Variants in STAT5A observed in about 807,000 individuals in gnomAD.
STAT5A encodes epididymis secretory sperm binding protein.
Under a neutral mutation model 100.2 loss-of-function variants are expected in STAT5A, and 26 were observed. The ratio of observed to expected loss-of-function variants is 0.26; its 90% CI spans 0.19 to 0.36. STAT5A has a LOEUF of 0.36. Ranked by LOEUF, STAT5A falls within the 10% of genes least tolerant of loss-of-function variation. The pLI is 1.00. For missense variants in STAT5A, 634 were observed against 1,027.5 expected (o/e 0.62, Z 5.24); for synonymous variants, 330 against 424.3 (o/e 0.78, Z 2.73).
At position 42,308,114 on chromosome 17, in the gene STAT5A, A is replaced by C. The variant is rs1176420561; in HGVS notation, c.1907-64A>C. ...GATTTCTCTTGCAAGCCTGCCCTAA[A>C]GCCCCACAACCTTGGTCCTCCTGCT... On this transcript the variant is annotated intron_variant, in intron 15 of 18. Transcript: ENST00000590949. The surrounding 1 kb of genome is among the most constrained non-coding windows in gnomAD (Gnocchi z 4.6). The C allele has an allele frequency of 6.3e-7, 1 of 1,589,452 alleles. No homozygotes were observed. The highest frequency in any genetic ancestry group is 1.7e-5 in the Admixed American group (1 of 58,580).
chr17:42,309,700 T>C, intron 18 of STAT5A: 1 of 484,344 alleles, frequency 2.1e-6, no homozygotes, highest in Non-Finnish European at 3.7e-6. Flanking sequence ...GGAAAATGAT[T>C]GAGCCTCTCT....
rs913697997 is a variant in STAT5A at position 42,294,845 on chromosome 17, C to G, written c.376-774C>G. Among the ~76,000 whole-genome samples, 13 of 152,008 alleles carry G rather than the reference C, an allele frequency of 8.6e-5. No individual in the cohort carries two copies. The East Asian group carries it at 1.9e-3, about 23-fold the overall frequency. ...ATTGGAAAGCCTCTGAGGACTTGTTCCTCTTCATCCATGTGCTCCCTCCCT... is the reference window on the plus strand; with the variant it reads ...ATTGGAAAGCCTCTGAGGACTTGTTGCTCTTCATCCATGTGCTCCCTCCCT... On this transcript the variant is annotated intron_variant, in intron 4 of 18. Coordinates refer to ENST00000590949, the MANE Select transcript of STAT5A (RefSeq NM_001288718.2).
chr17:42,305,438 G>T (rs1053642157), intron 11 of STAT5A, among the ~76,000 whole-genome samples, 172 bp from the exon 12 acceptor site: 1 of 152,092 alleles, frequency 6.6e-6, no homozygotes, highest in African/African-American at 2.4e-5. Flanking sequence ...GGAGGCAGAG[G>T]TTGTGGTGAG....
Position 42,289,535 on chromosome 17 carries a change from C to T in STAT5A, c.124C>T (p.Pro42Ser), listed in dbSNP as rs1206590904. 1 of 1,612,422 alleles carries T rather than the reference C, an allele frequency of 6.2e-7. No individual in the cohort carries two copies. Among genetic ancestry groups the T allele is most frequent in the Non-Finnish European group, 8.5e-7 (1 of 1,179,472 alleles). The change falls in exon 2 of 19, where the codon CCA (proline) becomes TCA (serine). Residue 42 changes from proline to serine, a missense_variant. Transcript: ENST00000590949. ...CTTGGCCCAGTGGATTGAGAGCCAG[C>T]CATGGTAGGCACGTCCCGCCCTGCC... ...HYLAQWIESQ[P>S]WDAIDLDNPQ...
rs1288486488 is a variant in STAT5A at position 42,289,884 on chromosome 17, C to T, written c.147C>T (p.Asp49=). Residue 49 remains aspartate (D), a synonymous_variant, in exon 3 of 19, where the codon GAC becomes GAT. Transcript: ENST00000590949. ...ESQPWDAIDL[D]NPQDRAQATQ... Reference sequence around the variant, plus strand: ...CCCCAAGGGATGCCATTGACTTGGACAATCCCCAGGACAGAGCCCAAGCCA... The same window carrying T: ...CCCCAAGGGATGCCATTGACTTGGATAATCCCCAGGACAGAGCCCAAGCCA... The T allele has an allele frequency of 6.3e-7, 1 of 1,577,908 alleles. No individual in the cohort carries two copies. Among genetic ancestry groups the T allele is most frequent in the South Asian group, 1.2e-5 (1 of 86,110 alleles).
intron 5 of STAT5A, among the ~76,000 whole-genome samples, chr17:42,299,296 C>A (rs1174832173): frequency 6.6e-6 from 1 of 152,226 alleles, no homozygotes; most frequent in Non-Finnish European, 1.5e-5. Context: ...TCTTCAAGCA[C>A]CCCACTGAGG....
At chr17:42,302,280 A>G (rs1055182512) in intron 9 of STAT5A, among the ~76,000 whole-genome samples, 2 of 152,222 alleles carry the variant, frequency 1.3e-5, no homozygotes, top group African/African-American at 4.8e-5. Flanking sequence ...CAGCCCCTTG[A>G]GCAGCAGAGC....
intron 9 of STAT5A, among the ~76,000 whole-genome samples, chr17:42,303,919 T>C (rs909239551): frequency 5.3e-5 from 8 of 152,054 alleles, no homozygotes; most frequent in Admixed American, 4.6e-4. Flanking sequence ...GCCTGGCATG[T>C]TCAGCAGACA....
At chr17:42,305,753 C>T in intron 12 of STAT5A, 51 bp downstream of exon 12, 1 of 1,588,544 alleles carries the variant, frequency 6.3e-7, no homozygotes, top group Non-Finnish European at 8.6e-7. Flanking sequence ...CTAGGACTCA[C>T]CTGGGGTCAG....
In STAT5A at chr17:42,311,108, C is replaced by CAGAG. The variant is rs943411415; in HGVS notation, c.*447_*450dup. 1 of 207,106 alleles carries CAGAG rather than the reference C, an allele frequency of 4.8e-6. No individual in the cohort carries two copies. Among genetic ancestry groups the CAGAG allele is most frequent in the Admixed American group, 5.1e-5 (1 of 19,700 alleles). The allele number at this position is 207,106 out of a possible 1,614,324, so 12.8% of individuals were successfully genotyped here. On this transcript the variant is annotated 3_prime_UTR_variant, in exon 19 of 19. Transcript: ENST00000590949. ...CTCCTAAGAGAGAGAGACAGAGAGA[C>CAGAG]AGAGAGAGAGAAAGAGAGAGTGTGT...
rs1203506181 is a variant in STAT5A at position 42,308,032 on chromosome 17, A to G, written c.1907-146A>G. Reference sequence around the variant, plus strand: ...TGGTTTGCTGAGTAGAACATCCCGCATCGGCTTTCTTCCCTACAGGCTGGG... The same window carrying G: ...TGGTTTGCTGAGTAGAACATCCCGCGTCGGCTTTCTTCCCTACAGGCTGGG... On this transcript the variant is annotated intron_variant, in intron 15 of 18. Transcript: ENST00000590949. This position sits in a 1 kb window ranked among gnomAD's most constrained non-coding sequence, Gnocchi z 4.6. 35 of 1,157,010 alleles carry G rather than the reference A, an allele frequency of 3.0e-5. No homozygotes were observed. The highest frequency in any genetic ancestry group is 5.3e-5 in the Admixed American group (2 of 37,444). The allele number at this position is 1,157,010 out of a possible 1,614,324, so 71.7% of individuals were successfully genotyped here.
At chr17:42,303,040 G>A (rs1340521349) in intron 9 of STAT5A, among the ~76,000 whole-genome samples, 2 of 151,728 alleles carry the variant, frequency 1.3e-5, no homozygotes, top group Non-Finnish European at 2.9e-5. Context: ...GAGGTCAGGA[G>A]TTCGAGACCA....
Position 42,304,299 on chromosome 17 carries a change from G to A in STAT5A, c.1170-43G>A. The A allele has an allele frequency of 6.3e-7, 1 of 1,599,556 alleles. No homozygotes were observed. The highest frequency in any genetic ancestry group is 8.6e-7 in the Non-Finnish European group (1 of 1,167,950). On this transcript the variant is annotated intron_variant, in intron 9 of 18. Coordinates refer to ENST00000590949, the MANE Select transcript of STAT5A (RefSeq NM_001288718.2). The surrounding 1 kb of genome is among the most constrained non-coding windows in gnomAD (Gnocchi z 4.8). ...AGGTGTGGACAGGACCATGCTCCTGGCCTGGGGCCCATGTGGAGCTGGGAC... is the reference window on the plus strand; with the variant it reads ...AGGTGTGGACAGGACCATGCTCCTGACCTGGGGCCCATGTGGAGCTGGGAC...
intron 5 of STAT5A, 28 bp from the exon 6 acceptor site, chr17:42,299,722 TG>T (rs1567690115): frequency 6.2e-7 from 1 of 1,614,062 alleles, no homozygotes; most frequent in South Asian, 1.1e-5. Flanking sequence ...TAGGAGGTGA[TG>T]GTCATGGTTT....
chr17:42,292,373 G>C (rs2080877506), intron 4 of STAT5A, among the ~76,000 whole-genome samples: 1 of 151,790 alleles, frequency 6.6e-6, no homozygotes, highest in African/African-American at 2.4e-5. Context: ...CTGTCACCCA[G>C]GCTGCAGTGC....
In STAT5A at chr17:42,311,306, G is replaced by A. The variant is rs925271276; in HGVS notation, c.*637G>A. On this transcript the variant is annotated 3_prime_UTR_variant, in exon 19 of 19. Coordinates refer to ENST00000590949, the MANE Select transcript of STAT5A (RefSeq NM_001288718.2). ...GGCCCGGCCATGTCCTTAGCACAGG[G>A]GGGCCGCCGGTTTGAGTGAGGGTTT... 37 of 153,512 alleles carry A rather than the reference G, an allele frequency of 2.4e-4. No homozygotes were observed. Among genetic ancestry groups the A allele is most frequent in the African/African-American group, 8.0e-4 (33 of 41,442 alleles). The allele number at this position is 153,512 out of a possible 1,614,324, so 9.5% of individuals were successfully genotyped here.
chr17:42,307,550 T>C, intron 14 of STAT5A, 43 bp from the exon 15 acceptor site: 2 of 1,614,064 alleles, frequency 1.2e-6, no homozygotes, highest in Non-Finnish European at 8.5e-7. Context: ...AGAGAGACTG[T>C]GGCTGTGGCC....
intron 9 of STAT5A, among the ~76,000 whole-genome samples, chr17:42,302,529 G>A (rs1253993486): frequency 6.6e-6 from 1 of 152,222 alleles, no homozygotes; most frequent in African/African-American, 2.4e-5. Context: ...AGAGAGTGGA[G>A]AAGTAGTGTC....
rs1381483231 is a variant in STAT5A, at chr17:42,311,120, A to AAGAG, written c.*456_*459dup. On this transcript the variant is annotated 3_prime_UTR_variant, in exon 19 of 19. Transcript: ENST00000590949. ...AGAGACAGAGAGACAGAGAGAGAGA[A>AAGAG]AGAGAGAGTGTGTGGGTCTATGTAA... 2 of 205,802 alleles carry AAGAG rather than the reference A, an allele frequency of 9.7e-6. No individual in the cohort carries two copies. The highest frequency in any genetic ancestry group is 1.0e-4 in the Admixed American group (2 of 19,638). The allele number at this position is 205,802 out of a possible 1,614,324, so 12.7% of individuals were successfully genotyped here.
Sources: allele counts gnomAD v4.1 joint callset (sites outside exome capture counted in the v4.1 genomes callset), GRCh38; gene constraint gnomAD v4.1.1; non-coding constraint Gnocchi (gnomAD v3.1); transcripts MANE v1.5; gene names NCBI Gene and HGNC (gene_info 2026-07-23, HGNC 2026-07-21).